TRA2A: variants seen among roughly 807,000 people sequenced by gnomAD.
TRA2A encodes the protein transformer 2 alpha homolog.
Under a neutral mutation model 45.7 loss-of-function variants are expected in TRA2A, and 31 were observed. The ratio of observed to expected loss-of-function variants is 0.68; its 90% CI spans 0.51 to 0.92. The LOEUF (loss-of-function observed/expected upper bound fraction) is 0.92. Among genes scored for constraint, TRA2A ranks in the 40% least tolerant of loss-of-function variants. The probability of loss-of-function intolerance (pLI) is 0.00; values close to 1 mark genes in which losing one functional copy is unlikely to be tolerated. For missense variants in TRA2A, 304 were observed against 367.5 expected, an observed-to-expected ratio of 0.83 and a Z score of 1.41; for synonymous variants, 132 against 126.2, an observed-to-expected ratio of 1.05 and a Z score of -0.31.
chr7:23,516,871 A>C (rs1789898035), intron 2 of TRA2A, among the ~76,000 whole-genome samples: 1 of 152,054 alleles, frequency 6.6e-6, no homozygotes, highest in African/African-American at 2.4e-5. Flanking sequence ...GCACTTTGGG[A>C]GGCCGACGCG....
chr7:23,505,632 C>T, intron 7 of TRA2A, 63 bp from the exon 8 acceptor site: 1 of 562,006 alleles, frequency 1.8e-6, no homozygotes, highest in Non-Finnish European at 3.2e-6. Context: ...GTTTAATTTG[C>T]CTCATATTTT....
At chr7:23,520,681 A>T (rs1376609699) in intron 2 of TRA2A, among the ~76,000 whole-genome samples, 1 of 119,414 alleles carries the variant, frequency 8.4e-6, no homozygotes, top group Non-Finnish European at 1.7e-5. Flanking sequence ...AGGCTGTTTT[A>T]AATTTTTTTT....
intron 1 of TRA2A, among the ~76,000 whole-genome samples, chr7:23,528,800 T>G (rs1790446527): frequency 1.3e-5 from 2 of 152,022 alleles, no homozygotes; most frequent in Non-Finnish European, 2.9e-5. Flanking sequence ...CCTAAGTAGC[T>G]AGGATTACAG....
intron 1 of TRA2A, among the ~76,000 whole-genome samples, chr7:23,522,861 C>T (rs1790190470): frequency 6.6e-6 from 1 of 152,020 alleles, no homozygotes; most frequent in African/African-American, 2.4e-5. Flanking sequence ...CAAGGCATCC[C>T]AGGCTGAAAT....
At chr7:23,526,739 A>G (rs547402352) in intron 1 of TRA2A, among the ~76,000 whole-genome samples, 3 of 152,212 alleles carry the variant, frequency 2.0e-5, no homozygotes, top group Non-Finnish European at 4.4e-5. Context: ...GCGACTGCTC[A>G]TATTAAATTG....
In TRA2A at chr7:23,516,388, T is replaced by C; in HGVS notation, c.311A>G (p.Asn104Ser). 1 of 1,614,236 alleles carries C rather than the reference T, an allele frequency of 6.2e-7. No homozygotes were observed. The highest frequency in any genetic ancestry group is 8.5e-7 in the Non-Finnish European group (1 of 1,180,034). Residue 104 changes from asparagine (N) to serine (S), a missense_variant, in exon 3 of 8, where the codon AAC becomes AGC. Coordinates refer to ENST00000297071, the MANE Select transcript of TRA2A (RefSeq NM_013293.5). ...CCTGCTGCCAGTATGTCTTCTCCGGTTAGACATTGGAGAATGGCTTCGGCT... is the reference window on the plus strand; with the variant it reads ...CCTGCTGCCAGTATGTCTTCTCCGGCTAGACATTGGAGAATGGCTTCGGCT... Reference protein sequence around the residue: ...RRSRSHSPMSNRRRHTGSRAN... With the variant: ...RRSRSHSPMSSRRRHTGSRAN...
chr7:23,512,668 C>A (rs1211957913), intron 4 of TRA2A, among the ~76,000 whole-genome samples: 1 of 151,698 alleles, frequency 6.6e-6, no homozygotes, highest in Non-Finnish European at 1.5e-5. Flanking sequence ...CCGTGTTAGC[C>A]AGGATAGTCT....
chr7:23,514,424 G>C (rs888981103), intron 3 of TRA2A, among the ~76,000 whole-genome samples: 7 of 151,950 alleles, frequency 4.6e-5, no homozygotes, highest in Non-Finnish European at 8.8e-5. Flanking sequence ...AAATCTCTTT[G>C]AACAACCTTT....
intron 1 of TRA2A, among the ~76,000 whole-genome samples, chr7:23,530,827 C>G (rs1790544521): frequency 6.6e-6 from 1 of 151,874 alleles, no homozygotes; most frequent in East Asian, 1.9e-4. Context: ...TTTTAAGTTA[C>G]AGAACAGTAT....
Position 23,521,765 on chromosome 7 carries a change from T to A in TRA2A, c.112A>T (p.Ser38Cys). 6.2e-7 allele frequency: 1 copy of A among 1,614,206 alleles called. No homozygotes were observed. The highest frequency in any genetic ancestry group is 1.1e-5 in the South Asian group (1 of 91,090). Reference sequence around the variant, plus strand: ...GAGTGTTTGGAAACCCTTGATGGACTACGAGATCCTGACCTGCTCTCCGAT... The same window carrying A: ...GAGTGTTTGGAAACCCTTGATGGACAACGAGATCCTGACCTGCTCTCCGAT... ...VKSESRSGSRSPSRVSKHSES... is the reference protein window; with the variant it reads ...VKSESRSGSRCPSRVSKHSES... Residue 38 changes from serine (S) to cysteine (C), a missense_variant, in exon 2 of 8, where the codon AGT (serine) becomes TGT (cysteine). Ser to Cys is a moderately radical substitution (Grantham distance 112, BLOSUM62 -1). Coordinates refer to ENST00000297071, the MANE Select transcript of TRA2A (RefSeq NM_013293.5).
intron 3 of TRA2A, among the ~76,000 whole-genome samples, chr7:23,514,568 T>C (rs576931801): frequency 2.6e-5 from 4 of 152,270 alleles, no homozygotes; most frequent in South Asian, 4.1e-4. Flanking sequence ...TCTGTAATTG[T>C]TGATTTAGAC....
chr7:23,507,295 G>A (rs1238837024), intron 5 of TRA2A, 125 bp downstream of exon 5: 7 of 719,470 alleles, frequency 9.7e-6, no homozygotes, highest in Non-Finnish European at 1.7e-5. Context: ...TAGAAGCAGG[G>A]TTTTGCCATG....
At chr7:23,516,330 A>G in intron 3 of TRA2A, 33 bp downstream of exon 3, 2 of 1,610,926 alleles carry the variant, frequency 1.2e-6, no homozygotes, top group African/African-American at 1.3e-5. Context: ...AAAAGAGAAA[A>G]TAAGTCTTCA....
intron 3 of TRA2A, 140 bp downstream of exon 3, chr7:23,516,223 G>C: frequency 1.4e-6 from 1 of 730,176 alleles, no homozygotes; most frequent in Non-Finnish European, 2.2e-6. Context: ...CCTTTACTTT[G>C]AAAGCTAAAG....
In TRA2A at chr7:23,505,511, A is replaced by G. The variant is rs1789275875; in HGVS notation, c.*48T>C. On this transcript the variant is annotated 3_prime_UTR_variant, in exon 8 of 8. Transcript: ENST00000297071. ...GGAAATCTCAGAATTAAAAAAAAAA[A>G]AAAAAAAAAGAGGAAAAAAAATGTC... 1 of 537,670 alleles carries G rather than the reference A, an allele frequency of 1.9e-6. No homozygotes were observed. Among genetic ancestry groups the G allele is most frequent in the Non-Finnish European group, 3.3e-6 (1 of 298,606 alleles). The allele number at this position is 537,670 out of a possible 1,614,324, so 33.3% of individuals were successfully genotyped here.
At chr7:23,525,048 T>C (rs1187099836) in intron 1 of TRA2A, among the ~76,000 whole-genome samples, 1 of 152,168 alleles carries the variant, frequency 6.6e-6, no homozygotes, top group Non-Finnish European at 1.5e-5. Context: ...TAACTATTAG[T>C]AAACTTAACT....
intron 3 of TRA2A, 102 bp downstream of exon 3, chr7:23,516,261 T>C (rs1789865322): frequency 3.6e-6 from 4 of 1,125,406 alleles, no homozygotes; most frequent in Non-Finnish European, 3.8e-6. Flanking sequence ...TTCCAGAGTA[T>C]CACTTCTAAA....
chr7:23,521,584 C>T lies in TRA2A; in HGVS notation c.170+123G>A, dbSNP rs1467881730. ...GGATATAGTATTCATTTACAAAGAG[C>T]AGTCTGAGAAAAACTATAATTTTGA... On this transcript the variant is annotated intron_variant, in intron 2 of 7. Transcript: ENST00000297071. 8 of 1,090,350 alleles carry T rather than the reference C, an allele frequency of 7.3e-6. No individual in the cohort carries two copies. The Admixed American group carries it at 1.2e-4, about 17-fold the overall frequency. The allele number at this position is 1,090,350 out of a possible 1,614,324, so 67.5% of individuals were successfully genotyped here. A position where few individuals can be genotyped will look rare whatever the true frequency, so the allele number is the denominator to read the frequency against.
In TRA2A at chr7:23,511,428, A is replaced by G. The variant is rs185964851; in HGVS notation, c.525+1466T>C. Among the ~76,000 whole-genome samples, 21 of 147,408 alleles carry G rather than the reference A, an allele frequency of 1.4e-4. 1 individual carries two copies. Among genetic ancestry groups the G allele is most frequent in the African/African-American group, 4.5e-4 (18 of 40,212 alleles). On this transcript the variant is annotated intron_variant, in intron 4 of 7. Transcript: ENST00000297071. ...AAAAAAAAGAAAAGAAAAGAAAAGA[A>G]AAACACCCTGATTATTAAGGTCTAA... is the stretch of plus-strand genomic sequence containing the variant.
Sources: gnomAD v4.1 joint callset for allele counts (sites outside exome capture counted in the v4.1 genomes callset) on GRCh38, gnomAD v4.1.1 for gene constraint, MANE v1.5 for transcripts, NCBI Gene and HGNC (gene_info 2026-07-23, HGNC 2026-07-21) for gene names.